TNFSF13B: variants seen among roughly 807,000 people sequenced by gnomAD.
TNFSF13B encodes the protein tumor necrosis factor ligand superfamily member 13B.
Under a neutral mutation model 29.1 loss-of-function variants are expected in TNFSF13B, and 8 were observed. The observed-to-expected ratio is 0.27, with a 90% confidence interval of 0.16 to 0.50. The LOEUF (loss-of-function observed/expected upper bound fraction) is 0.50. Ranked by LOEUF, TNFSF13B falls within the 20% of genes least tolerant of loss-of-function variation. The pLI is 0.98. For synonymous variants in TNFSF13B, 125 were observed against 130.8 expected, an observed-to-expected ratio of 0.96 and a Z score of 0.30; for missense variants, 248 against 334.9, an observed-to-expected ratio of 0.74 and a Z score of 2.03.
At position 108,297,657 on chromosome 13, in the gene TNFSF13B, A is replaced by G. The variant is rs1300382685; in HGVS notation, c.482-5596A>G. 3.5e-5 allele frequency among the ~76,000 whole-genome samples: 5 copies of G among 143,830 alleles called. 1 individual carries two copies. The highest frequency in any genetic ancestry group is 2.1e-4 in the Admixed American group (3 of 14,622). 94.4% of individuals were successfully genotyped at this position (143,830 alleles called of 152,430 possible). A position where few individuals can be genotyped will look rare whatever the true frequency, so the allele number is the denominator to read the frequency against. On this transcript the variant is annotated intron_variant, in intron 3 of 5. Transcript: ENST00000375887. ...CTTTTTTCTTTTTTATTTTAACTTTATTTTTAGAGCCATTTTAGATTCACA... is the reference window on the plus strand; with the variant it reads ...CTTTTTTCTTTTTTATTTTAACTTTGTTTTTAGAGCCATTTTAGATTCACA...
At chr13:108,272,045 G>A (rs1880634790) in intron 2 of TNFSF13B, among the ~76,000 whole-genome samples, 1 of 152,072 alleles carries the variant, frequency 6.6e-6, no homozygotes, top group Non-Finnish European at 1.5e-5. Context: ...CAAAAATGTG[G>A]TGTACCGGTT....
At chr13:108,287,276 C>T (rs1881170811) in intron 3 of TNFSF13B, among the ~76,000 whole-genome samples, 1 of 152,090 alleles carries the variant, frequency 6.6e-6, no homozygotes, top group Non-Finnish European at 1.5e-5. Context: ...ATAATAAAAA[C>T]AAATAAAATA....
chr13:108,303,766 T>C (rs1400421315), intron 5 of TNFSF13B, among the ~76,000 whole-genome samples, 162 bp downstream of exon 5: 4 of 152,216 alleles, frequency 2.6e-5, no homozygotes, highest in Non-Finnish European at 5.9e-5. Context: ...AATAATAAGC[T>C]AGTCTGTTTT....
intron 3 of TNFSF13B, among the ~76,000 whole-genome samples, chr13:108,287,760 G>A (rs1163795410): frequency 3.9e-5 from 6 of 152,114 alleles, no homozygotes; most frequent in Non-Finnish European, 2.9e-5. Context: ...ATAATTTACC[G>A]TTTTCTCACA....
intron 2 of TNFSF13B, among the ~76,000 whole-genome samples, chr13:108,278,137 A>AT (rs1328455783): frequency 1.3e-5 from 2 of 152,152 alleles, no homozygotes; most frequent in Non-Finnish European, 2.9e-5. Flanking sequence ...ATAAATTCTG[A>AT]TTTTTTTCAA....
intron 2 of TNFSF13B, among the ~76,000 whole-genome samples, chr13:108,279,764 G>C (rs927846044): frequency 2.6e-5 from 4 of 152,172 alleles, no homozygotes; most frequent in Non-Finnish European, 5.9e-5. Flanking sequence ...GAATGGTGAG[G>C]TAGGGATTCG....
At chr13:108,271,053 A>G (rs1880600218) in intron 2 of TNFSF13B, among the ~76,000 whole-genome samples, 1 of 152,030 alleles carries the variant, frequency 6.6e-6, no homozygotes. Context: ...TCTTCTTATA[A>G]TCGTCCTTTA....
Position 108,298,333 on chromosome 13 carries a change from G to T in TNFSF13B, c.482-4920G>T, listed in dbSNP as rs976506744. 6.2e-5 allele frequency among the ~76,000 whole-genome samples: 9 copies of T among 145,092 alleles called. 1 individual carries two copies. The highest frequency in any genetic ancestry group is 9.2e-5 in the Non-Finnish European group (6 of 65,538). ...GAACAGATTATAAGAGACCCCCCAGGATACATTAAACTGATGAACATATGC... is the reference window on the plus strand; with the variant it reads ...GAACAGATTATAAGAGACCCCCCAGTATACATTAAACTGATGAACATATGC... On this transcript the variant is annotated intron_variant, in intron 3 of 5. Coordinates refer to ENST00000375887, the MANE Select transcript of TNFSF13B (RefSeq NM_006573.5).
chr13:108,270,270 C>A, intron 1 of TNFSF13B, 36 bp downstream of exon 1: 1 of 1,612,646 alleles, frequency 6.2e-7, no homozygotes, highest in Non-Finnish European at 8.5e-7. Flanking sequence ...CAGGCAAGAT[C>A]CTGCCTACAC....
chr13:108,284,390 T>TA (rs905862715), intron 2 of TNFSF13B, among the ~76,000 whole-genome samples: 1 of 150,416 alleles, frequency 6.6e-6, no homozygotes, highest in East Asian at 1.9e-4. Flanking sequence ...AAACAAACAA[T>TA]AAAAAAAGAC....
chr13:108,272,597 A>G (rs1880650236), intron 2 of TNFSF13B, among the ~76,000 whole-genome samples: 1 of 152,030 alleles, frequency 6.6e-6, no homozygotes, highest in Non-Finnish European at 1.5e-5. Context: ...AACCAAATGT[A>G]TTAAATAGTT....
chr13:108,289,158 T>A (rs550866037), intron 3 of TNFSF13B, among the ~76,000 whole-genome samples: 2 of 152,118 alleles, frequency 1.3e-5, no homozygotes, highest in East Asian at 3.9e-4. Flanking sequence ...TTTACACATC[T>A]CTCCCCCACC....
In TNFSF13B at chr13:108,269,809, C is replaced by T. The variant is rs374268665; in HGVS notation, c.-87C>T. The T allele has an allele frequency of 8.7e-6, 11 of 1,266,502 alleles. No individual in the cohort carries two copies. Among genetic ancestry groups the T allele is most frequent in the Admixed American group, 4.3e-5 (2 of 46,508 alleles). The allele number at this position is 1,266,502 out of a possible 1,614,324, so 78.5% of individuals were successfully genotyped here. ...GCCCTGCCATGTAGTGCACGCAGGA[C>T]ATCAACAAACACAGATAACAGGAAA... is the stretch of plus-strand genomic sequence containing the variant. On this transcript the variant is annotated 5_prime_UTR_variant, in exon 1 of 6. Coordinates refer to ENST00000375887, the MANE Select transcript of TNFSF13B (RefSeq NM_006573.5).
chr13:108,281,324 A>T (rs1301403597), intron 2 of TNFSF13B, among the ~76,000 whole-genome samples: 1 of 152,150 alleles, frequency 6.6e-6, no homozygotes, highest in Non-Finnish European at 1.5e-5. Flanking sequence ...TTTCTATTCT[A>T]TCAACTCCTT....
intron 3 of TNFSF13B, among the ~76,000 whole-genome samples, chr13:108,300,667 G>A (rs1027761571): frequency 1.3e-5 from 2 of 152,176 alleles, no homozygotes; most frequent in African/African-American, 2.4e-5. Flanking sequence ...ATTTGTCATT[G>A]AGGTGATCTT....
intron 3 of TNFSF13B, among the ~76,000 whole-genome samples, chr13:108,300,990 G>T (rs987554761): frequency 1.3e-5 from 2 of 152,126 alleles, no homozygotes; most frequent in Non-Finnish European, 2.9e-5. Flanking sequence ...ATTTCAACTT[G>T]AATTTACAAT....
chr13:108,303,643 A>T, intron 5 of TNFSF13B, 39 bp downstream of exon 5: 1 of 1,573,952 alleles, frequency 6.4e-7, no homozygotes. Flanking sequence ...TTGTGAAATG[A>T]AGAGACTTTG....
chr13:108,306,767 G>T, intron 5 of TNFSF13B, 59 bp from the exon 6 acceptor site: 1 of 1,004,348 alleles, frequency 1.0e-6, no homozygotes, highest in Non-Finnish European at 1.5e-6. Flanking sequence ...TTTTATTTAA[G>T]ATTCTTTTCT....
chr13:108,278,587 CTCCCCTTCTCT>C (rs1880826169), intron 2 of TNFSF13B, among the ~76,000 whole-genome samples: 1 of 122,802 alleles, frequency 8.1e-6, no homozygotes. Flanking sequence ...TCTCCTCCTC[CTCCCCTTCTCT>C]TCCTCCTCCT....
Sources: gnomAD v4.1 joint callset for allele counts (sites outside exome capture counted in the v4.1 genomes callset) on GRCh38, gnomAD v4.1.1 for gene constraint, MANE v1.5 for transcripts, NCBI Gene and HGNC (gene_info 2026-07-23, HGNC 2026-07-21) for gene names.